BMPR1B: variants seen among roughly 807,000 people sequenced by gnomAD.
BMPR1B encodes bone morphogenetic protein receptor type-1B.
Under a neutral mutation model 59.1 loss-of-function variants are expected in BMPR1B, and 12 were observed. The ratio of observed to expected loss-of-function variants is 0.20; its 90% confidence interval spans 0.13 to 0.33. The LOEUF is 0.33. Ranked by LOEUF, BMPR1B falls within the 10% of genes least tolerant of loss-of-function variation. BMPR1B has a pLI of 1.00. For missense variants in BMPR1B, 550 were observed against 610.9 expected (o/e 0.90, Z 1.05); for synonymous variants, 237 against 207.3 (o/e 1.14, Z -1.23).
chr4:94,797,625 G>T lies in BMPR1B; in HGVS notation c.-183+39557G>T, dbSNP rs146328131. On this transcript the variant is annotated intron_variant, in intron 1 of 12. Transcript: ENST00000515059. ...ACATTGTCCTGGGTTGGACTATGTA[G>T]TGTTCCCCAGATTTACCTAAATAAC... is the stretch of plus-strand genomic sequence containing the variant. Among the ~76,000 whole-genome samples the T allele has an allele frequency of 1.4e-3, 209 of 152,326 alleles. 1 individual carries two copies. The highest frequency in any genetic ancestry group is 4.6e-3 in the African/African-American group (192 of 41,588).
chr4:95,135,890 C>CA (rs775478495), intron 10 of BMPR1B, among the ~76,000 whole-genome samples: 1 of 152,142 alleles, frequency 6.6e-6, no homozygotes, highest in Non-Finnish European at 1.5e-5. Context: ...CCAGAACTTC[C>CA]AACACTATGT....
chr4:95,134,169 A>G (rs1733596727), intron 10 of BMPR1B, among the ~76,000 whole-genome samples: 1 of 152,140 alleles, frequency 6.6e-6, no homozygotes, highest in African/African-American at 2.4e-5. Context: ...GATGGTTTCC[A>G]GTTTCATCCA....
chr4:94,980,851 C>T (rs985726828), intron 2 of BMPR1B, among the ~76,000 whole-genome samples: 2 of 152,058 alleles, frequency 1.3e-5, no homozygotes, highest in Admixed American at 6.6e-5. Flanking sequence ...GGGTATTAGC[C>T]GGGCGTGGTG....
intron 2 of BMPR1B, among the ~76,000 whole-genome samples, chr4:94,986,474 T>G (rs1046266688): frequency 6.6e-6 from 1 of 152,196 alleles, no homozygotes; most frequent in Non-Finnish European, 1.5e-5. Flanking sequence ...AATCAGGTCT[T>G]GACAATGTAT....
intron 3 of BMPR1B, among the ~76,000 whole-genome samples, chr4:95,009,191 G>A (rs2149120945): frequency 6.6e-6 from 1 of 152,326 alleles, no homozygotes; most frequent in South Asian, 2.1e-4. Flanking sequence ...TAATGGCGAT[G>A]CAAATTGGTA....
chr4:95,153,342 C>A (rs2149331387), intron 12 of BMPR1B, among the ~76,000 whole-genome samples: 1 of 152,206 alleles, frequency 6.6e-6, no homozygotes, highest in Admixed American at 6.5e-5. Flanking sequence ...AGAAATGAGT[C>A]TTGCCTTTCC....
At chr4:95,023,765 A>G (rs1165747007) in intron 3 of BMPR1B, among the ~76,000 whole-genome samples, 5 of 152,194 alleles carry the variant, frequency 3.3e-5, no homozygotes. Flanking sequence ...TAAACCCACA[A>G]ATAAAACAAC....
intron 2 of BMPR1B, among the ~76,000 whole-genome samples, chr4:94,981,003 A>ACGCGCGCATACGCGTGCGCGCGCG (rs141994255): frequency 1.1e-5 from 1 of 90,794 alleles, no homozygotes; most frequent in Admixed American, 1.3e-4. Context: ...ACACACACAC[A>ACGCGCGCATACGCGTGCGCGCGCG]CACACACACA....
chr4:95,019,505 T>G (rs545689044), intron 3 of BMPR1B, among the ~76,000 whole-genome samples: 19 of 152,330 alleles, frequency 1.2e-4, no homozygotes, highest in African/African-American at 4.1e-4. Flanking sequence ...GAGAAACTGT[T>G]ATGTTTTTAA....
At chr4:94,956,488 G>A (rs1365916193) in intron 2 of BMPR1B, among the ~76,000 whole-genome samples, 3 of 152,070 alleles carry the variant, frequency 2.0e-5, no homozygotes, top group Admixed American at 6.6e-5. Context: ...ATTGAGGTCA[G>A]CACATCAGAT....
At chr4:95,005,603 G>A (rs1037996813) in intron 3 of BMPR1B, among the ~76,000 whole-genome samples, 6 of 151,848 alleles carry the variant, frequency 4.0e-5, no homozygotes, top group Admixed American at 6.6e-5. Flanking sequence ...TTCTTGATCC[G>A]TCTTCTTCCC....
At chr4:94,893,727 G>T (rs2148992845) in intron 2 of BMPR1B, among the ~76,000 whole-genome samples, 1 of 151,914 alleles carries the variant, frequency 6.6e-6, no homozygotes, top group African/African-American at 2.4e-5. Flanking sequence ...CTATAAAATG[G>T]TGTTCTGAGA....
intron 1 of BMPR1B, among the ~76,000 whole-genome samples, chr4:94,855,542 G>C (rs1027875416): frequency 6.6e-6 from 1 of 152,098 alleles, no homozygotes; most frequent in Non-Finnish European, 1.5e-5. Context: ...TAACATGTAC[G>C]TAACAAAAAT....
intron 1 of BMPR1B, among the ~76,000 whole-genome samples, chr4:94,815,269 A>G (rs902654795): frequency 2.0e-5 from 3 of 151,998 alleles, no homozygotes; most frequent in Non-Finnish European, 4.4e-5. Flanking sequence ...TCATTTTTCC[A>G]TGTTGCAATA....
At chr4:95,072,838 T>C (rs888247884) in intron 3 of BMPR1B, among the ~76,000 whole-genome samples, 1 of 152,158 alleles carries the variant, frequency 6.6e-6, no homozygotes, top group Non-Finnish European at 1.5e-5. Flanking sequence ...TTAAAAATTT[T>C]AAAAAATTAA....
intron 2 of BMPR1B, among the ~76,000 whole-genome samples, chr4:94,974,780 A>G (rs1455504247): frequency 6.6e-6 from 1 of 152,222 alleles, no homozygotes; most frequent in Non-Finnish European, 1.5e-5. Context: ...CAGGGAACAT[A>G]ATAAGCATTC....
intron 3 of BMPR1B, among the ~76,000 whole-genome samples, chr4:95,063,631 A>C (rs190016427): frequency 1.1e-3 from 175 of 152,324 alleles, no homozygotes; most frequent in African/African-American, 4.0e-3. Context: ...GATATTCAAA[A>C]ATATGCAAAA....
intron 3 of BMPR1B, among the ~76,000 whole-genome samples, chr4:95,050,879 T>G (rs1274371523): frequency 6.6e-6 from 1 of 152,192 alleles, no homozygotes; most frequent in Non-Finnish European, 1.5e-5. Flanking sequence ...AAAAATTTCT[T>G]TATCTCATTC....
At chr4:94,818,211 T>C (rs972590578) in intron 1 of BMPR1B, among the ~76,000 whole-genome samples, 3 of 151,996 alleles carry the variant, frequency 2.0e-5, no homozygotes, top group African/African-American at 4.8e-5. Flanking sequence ...AGTTATACTT[T>C]TATTATTTTA....
Sources: allele counts gnomAD v4.1 joint callset (sites outside exome capture counted in the v4.1 genomes callset), GRCh38; gene constraint gnomAD v4.1.1; transcripts MANE v1.5; gene names NCBI Gene and HGNC (gene_info 2026-07-23, HGNC 2026-07-21).